Variants in KCNH7 observed in about 807,000 individuals in gnomAD.
The protein encoded by KCNH7 is potassium voltage-gated channel subfamily H member 7.
In KCNH7, 49 loss-of-function variants were observed where a neutral mutation model predicts 120.8. That is an observed-to-expected ratio of 0.41 (90% CI 0.32 to 0.51). The LOEUF (loss-of-function observed/expected upper bound fraction) is 0.51, where lower values mean the gene tolerates loss of function less well. KCNH7 is among the 20% of genes least tolerant of loss of function. KCNH7 has a pLI of 0.38. For synonymous variants in KCNH7, 547 were observed against 516.1 expected (o/e 1.06, Z -0.81); for missense variants, 1,097 against 1,446.6 (o/e 0.76, Z 3.92).
chr2:162,536,197 G>A (rs1319698694), intron 3 of KCNH7, among the ~76,000 whole-genome samples: 1 of 151,784 alleles, frequency 6.6e-6, no homozygotes, highest in Admixed American at 6.6e-5. Context: ...CAAAAATTAT[G>A]AAAAAGATAA....
chr2:162,694,868 T>C (rs12692656), intron 2 of KCNH7, among the ~76,000 whole-genome samples: 25,797 of 151,886 alleles, frequency 0.17, 2,551 homozygotes, highest in East Asian at 0.46. Flanking sequence ...CTCAGCCTCC[T>C]GAGTAGCTGG....
chr2:162,670,470 C>CAAAAAAAAAAA (rs61610131), intron 2 of KCNH7, among the ~76,000 whole-genome samples: 2 of 48,232 alleles, frequency 4.1e-5, no homozygotes, highest in East Asian at 5.6e-4. Flanking sequence ...CGAACTCTGT[C>CAAAAAAAAAAA]AAAAAAAAAA....
intron 2 of KCNH7, among the ~76,000 whole-genome samples, chr2:162,744,809 G>A (rs1025094747): frequency 1.3e-5 from 2 of 151,992 alleles, no homozygotes; most frequent in African/African-American, 4.8e-5. Context: ...TCCTGACCTC[G>A]TGATCCGCCC....
At chr2:162,735,176 G>A (rs1383782599) in intron 2 of KCNH7, among the ~76,000 whole-genome samples, 1 of 152,154 alleles carries the variant, frequency 6.6e-6, no homozygotes, top group East Asian at 1.9e-4. Context: ...TCTAATATGA[G>A]TGACTCCATC....
Position 162,457,027 on chromosome 2 carries a change from C to T in KCNH7, c.1129-10584G>A, listed in dbSNP as rs947509942. On this transcript the variant is annotated intron_variant, in intron 6 of 15. Coordinates refer to ENST00000332142, the MANE Select transcript of KCNH7 (RefSeq NM_033272.4). ...ATTGGTCAATTTTAATTTTTAATGA[C>T]CTAAATGCAAATGTATTTTTATAAG... is the stretch of plus-strand genomic sequence containing the variant. 2.0e-5 allele frequency among the ~76,000 whole-genome samples: 3 copies of T among 151,992 alleles called. No individual in the cohort carries two copies. In the South Asian group the frequency reaches 6.2e-4, roughly 31 times the overall value.
intron 3 of KCNH7, among the ~76,000 whole-genome samples, chr2:162,519,334 T>C (rs2105788332): frequency 6.6e-6 from 1 of 151,998 alleles, no homozygotes; most frequent in African/African-American, 2.4e-5. Context: ...ATGATATTCT[T>C]TAAAAGGTTG....
chr2:162,603,219 G>A (rs552235750), intron 2 of KCNH7, among the ~76,000 whole-genome samples: 12 of 152,054 alleles, frequency 7.9e-5, no homozygotes, highest in Middle Eastern at 6.8e-3. Flanking sequence ...CAACATGTAT[G>A]CCAGATTATA....
At chr2:162,464,237 C>T (rs980001592) in intron 6 of KCNH7, among the ~76,000 whole-genome samples, 1 of 151,948 alleles carries the variant, frequency 6.6e-6, no homozygotes, top group African/African-American at 2.4e-5. Flanking sequence ...TGCATCATTT[C>T]ACAGGGTAAC....
chr2:162,655,962 A>G (rs1410752843), intron 2 of KCNH7, among the ~76,000 whole-genome samples: 1 of 152,214 alleles, frequency 6.6e-6, no homozygotes, highest in Non-Finnish European at 1.5e-5. Flanking sequence ...TCCCTGATCA[A>G]CTATTTGGCA....
intron 6 of KCNH7, among the ~76,000 whole-genome samples, chr2:162,470,338 G>C (rs555053705): frequency 5.9e-5 from 9 of 151,462 alleles, no homozygotes; most frequent in East Asian, 3.9e-4. Flanking sequence ...GGGATGTGAG[G>C]AGCGCCTCTG....
chr2:162,466,381 G>T (rs1276127888), intron 6 of KCNH7, among the ~76,000 whole-genome samples: 1 of 152,094 alleles, frequency 6.6e-6, no homozygotes, highest in African/African-American at 2.4e-5. Context: ...AAGTAGTAAG[G>T]GGAAGTAAAC....
At chr2:162,576,963 G>A (rs965059618) in intron 2 of KCNH7, among the ~76,000 whole-genome samples, 11 of 151,786 alleles carry the variant, frequency 7.2e-5, no homozygotes, top group Non-Finnish European at 1.5e-4. Context: ...CCGGGCTGGA[G>A]TACAGTGGAG....
intron 9 of KCNH7, among the ~76,000 whole-genome samples, chr2:162,419,864 A>T (rs1316363328): frequency 1.3e-5 from 2 of 152,180 alleles, no homozygotes; most frequent in African/African-American, 4.8e-5. Flanking sequence ...TTGTAACTAA[A>T]ACAGTGTTAG....
intron 8 of KCNH7, among the ~76,000 whole-genome samples, chr2:162,426,748 C>T (rs1031924731): frequency 2.6e-5 from 4 of 151,902 alleles, no homozygotes; most frequent in African/African-American, 9.7e-5. Context: ...ATGTAAGATG[C>T]ATCTATTTTA....
chr2:162,526,635 G>A (rs901569323), intron 3 of KCNH7, among the ~76,000 whole-genome samples: 4 of 151,946 alleles, frequency 2.6e-5, no homozygotes, highest in East Asian at 3.9e-4. Flanking sequence ...CTGGCTCACC[G>A]GCGGTCAGAG....
chr2:162,577,371 A>ATCTATCTC (rs1693719008), intron 2 of KCNH7, among the ~76,000 whole-genome samples: 2 of 150,144 alleles, frequency 1.3e-5, no homozygotes, highest in African/African-American at 4.9e-5. Flanking sequence ...CTATCTATCT[A>ATCTATCTC]TCTATCTATC....
chr2:162,378,115 G>C lies in KCNH7; in HGVS notation c.3131+1738C>G, dbSNP rs75223747. Reference sequence around the variant, plus strand: ...GGAGAATATACTCAAATGAACACCAGTAATAGAAGTGAAGTTCCTTGTTAA... The same window carrying C: ...GGAGAATATACTCAAATGAACACCACTAATAGAAGTGAAGTTCCTTGTTAA... On this transcript the variant is annotated intron_variant, in intron 14 of 15. Coordinates refer to ENST00000332142, the MANE Select transcript of KCNH7 (RefSeq NM_033272.4). Among the ~76,000 whole-genome samples, 509 of 152,300 alleles carry C rather than the reference G, an allele frequency of 3.3e-3. 2 individuals carry two copies. The highest frequency in any genetic ancestry group is 0.012 in the African/African-American group (481 of 41,580).
At chr2:162,384,978 A>C in intron 12 of KCNH7, 39 bp from the exon 13 acceptor site, 2 of 1,531,834 alleles carry the variant, frequency 1.3e-6, no homozygotes, top group Non-Finnish European at 1.8e-6. Flanking sequence ...ATTTTATAGC[A>C]GACAATTAAA....
chr2:162,689,316 G>C (rs867304839), intron 2 of KCNH7, among the ~76,000 whole-genome samples: 1 of 151,738 alleles, frequency 6.6e-6, no homozygotes. Flanking sequence ...ATGCCTGGCT[G>C]ATTTTTTGTA....
Sources: gnomAD v4.1 joint callset for allele counts (sites outside exome capture counted in the v4.1 genomes callset) on GRCh38, gnomAD v4.1.1 for gene constraint, MANE v1.5 for transcripts, NCBI Gene and HGNC (gene_info 2026-07-23, HGNC 2026-07-21) for gene names.